DPP4: variants seen among roughly 807,000 people sequenced by gnomAD.
DPP4 encodes the protein ADCP-2.
Under a neutral mutation model 122.4 loss-of-function variants are expected in DPP4, and 93 were observed. The observed-to-expected ratio is 0.76, with a 90% CI of 0.64 to 0.90. DPP4 has a LOEUF of 0.90. Among genes scored for constraint, DPP4 ranks in the 40% least tolerant of loss-of-function variants. DPP4 has a pLI of 0.00. For synonymous variants in DPP4, 321 were observed against 302.9 expected, an observed-to-expected ratio of 1.06 and a Z score of -0.62; for missense variants, 914 against 907.3, an observed-to-expected ratio of 1.01 and a Z score of -0.09.
Position 162,009,300 on chromosome 2 carries a change from A to C in DPP4, c.1833-5T>G. ...AATCCCATTTTTGAAAATTGTCTAA[A>C]ACACAAGGAAAAAGTCCACAGATCA... On this transcript the variant is annotated splice_polypyrimidine_tract_variant and splice_region_variant and intron_variant, in intron 20 of 25. Coordinates refer to ENST00000360534, the MANE Select transcript of DPP4 (RefSeq NM_001935.4). The C allele has an allele frequency of 6.2e-7, 1 of 1,613,644 alleles. No homozygotes were observed. The highest frequency in any genetic ancestry group is 8.5e-7 in the Non-Finnish European group (1 of 1,179,682).
At chr2:162,023,576 C>T (rs1259394400) in intron 11 of DPP4, among the ~76,000 whole-genome samples, 1 of 152,218 alleles carries the variant, frequency 6.6e-6, no homozygotes, top group African/African-American at 2.4e-5. Context: ...ATCTGCTCAG[C>T]ACACGGCAAC....
Position 162,008,563 on chromosome 2 carries a change from A to G in DPP4, c.1986T>C (p.Tyr662=), listed in dbSNP as rs199691557. Residue 662 remains tyrosine (Y), a splice_region_variant and synonymous_variant, in exon 22 of 26, where the codon TAT becomes TAC. Transcript: ENST00000360534. ...AVAPVSRWEY[Y]DSVYTERYMG... The stretch of plus-strand genomic sequence containing the variant: ...TTGTACCTGGCAGCAATTACATACC[A>G]TAGTACTCCCACCGGGATACAGGCG... 4.3e-6 allele frequency: 7 copies of G among 1,613,156 alleles called. No homozygotes were observed. Among genetic ancestry groups the G allele is most frequent in the African/African-American group, 2.7e-5 (2 of 74,870 alleles).
At chr2:162,022,026 C>T (rs1293167222) in intron 12 of DPP4, among the ~76,000 whole-genome samples, 1 of 152,080 alleles carries the variant, frequency 6.6e-6, no homozygotes. Flanking sequence ...ACTTTATTTC[C>T]CTCTTAAAGG....
chr2:161,997,479 T>A (rs1285860203), intron 23 of DPP4, among the ~76,000 whole-genome samples: 2 of 152,228 alleles, frequency 1.3e-5, no homozygotes, highest in African/African-American at 4.8e-5. Flanking sequence ...AAAATATTTA[T>A]CAATTAAATG....
intron 2 of DPP4, among the ~76,000 whole-genome samples, chr2:162,059,384 G>C (rs570409372): frequency 6.6e-6 from 1 of 152,186 alleles, no homozygotes; most frequent in African/African-American, 2.4e-5. Context: ...GCATTAGGCC[G>C]TGAAATCCGA....
chr2:162,016,933 A>C, intron 17 of DPP4, 67 bp from the exon 18 acceptor site: 1 of 1,494,854 alleles, frequency 6.7e-7, no homozygotes, highest in Non-Finnish European at 9.2e-7. Context: ...GTAGTGCAAT[A>C]ATGAGCAAAC....
chr2:162,073,692 A>G (rs1391145676), intron 1 of DPP4: 2 of 659,482 alleles, frequency 3.0e-6, no homozygotes, highest in Non-Finnish European at 5.3e-6. Flanking sequence ...GTGCCTTCAG[A>G]GCACATTAGC....
At position 162,070,134 on chromosome 2, in the gene DPP4, T is replaced by C. The variant is rs556373177; in HGVS notation, c.94+3265A>G. On this transcript the variant is annotated intron_variant, in intron 2 of 25. Transcript: ENST00000360534. Reference sequence around the variant, plus strand: ...ATTTCTCACTGATTCTTGGGGAAACTGAATGCTTACATATGCAATATCCTC... The same window carrying C: ...ATTTCTCACTGATTCTTGGGGAAACCGAATGCTTACATATGCAATATCCTC... 1.8e-4 allele frequency among the ~76,000 whole-genome samples: 27 copies of C among 152,340 alleles called. No individual in the cohort carries two copies. In the South Asian group the frequency reaches 5.2e-3, roughly 29 times the overall value.
chr2:162,038,563 C>T, intron 7 of DPP4, 141 bp from the exon 8 acceptor site: 1 of 896,588 alleles, frequency 1.1e-6, no homozygotes, highest in Non-Finnish European at 1.7e-6. Context: ...TCATTTACTC[C>T]TTCCCTCTCA....
At chr2:162,056,154 T>C (rs1684566692) in intron 2 of DPP4, among the ~76,000 whole-genome samples, 1 of 152,240 alleles carries the variant, frequency 6.6e-6, no homozygotes, top group Admixed American at 6.5e-5. Flanking sequence ...TTTCCAGCAT[T>C]ACTCATTTTT....
Position 162,044,646 on chromosome 2 carries a change from A to T in DPP4, c.366+886T>A, listed in dbSNP as rs144243407. Among the ~76,000 whole-genome samples the T allele has an allele frequency of 2.2e-3, 334 of 152,312 alleles. 2 individuals carry two copies. The highest frequency in any genetic ancestry group is 3.5e-3 in the South Asian group (17 of 4,824). On this transcript the variant is annotated intron_variant, in intron 5 of 25. Coordinates refer to ENST00000360534, the MANE Select transcript of DPP4 (RefSeq NM_001935.4). ...CATGTCTCAAAACTTCCTATACTTG[A>T]ACAACTTGTCAAATCCATGAGTAAC...
intron 2 of DPP4, among the ~76,000 whole-genome samples, chr2:162,062,967 A>G (rs1684830411): frequency 1.3e-5 from 2 of 151,362 alleles, no homozygotes; most frequent in African/African-American, 4.8e-5. Context: ...TGTGTTGAGA[A>G]TACACCATAG....
intron 23 of DPP4, among the ~76,000 whole-genome samples, chr2:162,004,366 A>G (rs1701228736): frequency 6.6e-6 from 1 of 152,184 alleles, no homozygotes; most frequent in Non-Finnish European, 1.5e-5. Context: ...AAAGCAGCTT[A>G]TGGGAGGTGG....
At position 162,047,466 on chromosome 2, in the gene DPP4, T is replaced by C; in HGVS notation, c.130A>G (p.Thr44Ala). 1 of 1,583,100 alleles carries C rather than the reference T, an allele frequency of 6.3e-7. No individual in the cohort carries two copies. Among genetic ancestry groups the C allele is most frequent in the Non-Finnish European group, 8.6e-7 (1 of 1,159,186 alleles). ...DATADSRKTY[T>A]LTDYLKNTYR... is the part of the protein sequence containing the mutation. Reference sequence around the variant, plus strand: ...GTATTTTTTAAGTAATCAGTTAGAGTGTAAGTTTTGCGACTGTCAGCTGTA... The same window carrying C: ...GTATTTTTTAAGTAATCAGTTAGAGCGTAAGTTTTGCGACTGTCAGCTGTA... Residue 44 changes from threonine (T) to alanine (A), a missense_variant, in exon 3 of 26, where the codon ACT becomes GCT. Thr to Ala is a moderately conservative substitution (Grantham distance 58). Transcript: ENST00000360534.
intron 16 of DPP4, 85 bp downstream of exon 16, chr2:162,018,644 C>T: frequency 6.6e-7 from 1 of 1,512,302 alleles, no homozygotes; most frequent in Non-Finnish European, 8.9e-7. Context: ...TTCAAGAGCT[C>T]CTCAGATTCA....
rs184353782 is a variant in DPP4, at chr2:161,995,710, T to A, written c.2053-338A>T. Among the ~76,000 whole-genome samples the A allele has an allele frequency of 2.0e-5, 3 of 152,316 alleles. No homozygotes were observed. The East Asian group carries it at 5.8e-4, about 29-fold the overall frequency. On this transcript the variant is annotated intron_variant, in intron 23 of 25. Transcript: ENST00000360534. ...ACAGGGCAGAGTCTCATATTAGTAA[T>A]GTATGTTCCATGGGCTTCTGCTGTA... is the stretch of plus-strand genomic sequence containing the variant.
At position 162,011,792 on chromosome 2, in the gene DPP4, C is replaced by A. The variant is rs748220838; in HGVS notation, c.1832+1G>T. On this transcript the variant is annotated splice_donor_variant, in intron 20 of 25. Transcript: ENST00000360534. LOFTEE classifies it high-confidence loss of function. The stretch of plus-strand genomic sequence containing the variant: ...TTTGACTTCATCTCCTAGTCACTCA[C>A]CTGGCTGCTTCAATTTGATCTTCAA... The A allele has an allele frequency of 6.2e-6, 10 of 1,612,984 alleles. 1 individual carries two copies. Among genetic ancestry groups the A allele is most frequent in the South Asian group, 1.1e-5 (1 of 91,000 alleles).
chr2:162,064,943 A>G (rs1443000494), intron 2 of DPP4, among the ~76,000 whole-genome samples: 1 of 152,250 alleles, frequency 6.6e-6, no homozygotes, highest in African/African-American at 2.4e-5. Flanking sequence ...TTGAAAAATT[A>G]AATCTTTCTA....
chr2:162,020,318 C>CAAAA, intron 13 of DPP4, 22 bp from the exon 14 acceptor site: 4 of 950,080 alleles, frequency 4.2e-6, no homozygotes, highest in Admixed American at 2.9e-5. Context: ...TTTTTTTTTT[C>CAAAA]AAAAAAAAAA....
Sources: gnomAD v4.1 joint callset for allele counts (sites outside exome capture counted in the v4.1 genomes callset) on GRCh38, gnomAD v4.1.1 for gene constraint, MANE v1.5 for transcripts, NCBI Gene and HGNC (gene_info 2026-07-23, HGNC 2026-07-21) for gene names.